AGAP1: variants seen among roughly 807,000 people sequenced by gnomAD.
The protein encoded by AGAP1 is ArfGAP with GTPase domain, ankyrin repeat and PH domain 1.
AGAP1 carries 29 observed loss-of-function variants against 105.3 expected under a neutral mutation model. That is an observed-to-expected ratio of 0.28 (90% CI 0.21 to 0.38). The LOEUF (loss-of-function observed/expected upper bound fraction) is 0.38. Among genes scored for constraint, AGAP1 ranks in the 10% least tolerant of loss-of-function variants. The pLI, the probability that AGAP1 is intolerant of heterozygous loss-of-function variation, is 1.00. For missense variants in AGAP1, 998 were observed against 1,165.1 expected, an observed-to-expected ratio of 0.86 and a Z score of 2.09; for synonymous variants, 509 against 485.9, an observed-to-expected ratio of 1.05 and a Z score of -0.63.
chr2:235,662,240 T>G lies in AGAP1; in HGVS notation c.164-46939T>G, dbSNP rs189410456. On this transcript the variant is annotated intron_variant, in intron 1 of 17. Coordinates refer to ENST00000304032, the MANE Select transcript of AGAP1 (RefSeq NM_001037131.3). This position sits in a 1 kb window ranked among gnomAD's most constrained non-coding sequence, Gnocchi z 4.2. ...TCCCAGCTTTGTGTATCCACTCAGT[T>G]GCATGCCAGGTAGTCACATCTTAAC... Among the ~76,000 whole-genome samples the G allele has an allele frequency of 1.5e-4, 23 of 152,326 alleles. No individual in the cohort carries two copies. The highest frequency in any genetic ancestry group is 5.1e-4 in the African/African-American group (21 of 41,582).
chr2:235,524,588 A>G, intron 1 of AGAP1: 1 of 185,666 alleles, frequency 5.4e-6, no homozygotes, highest in Non-Finnish European at 1.3e-5. Context: ...TGCCTTCCCC[A>G]CATGGATGAG....
At chr2:235,575,938 GA>G (rs1026212806) in intron 1 of AGAP1, among the ~76,000 whole-genome samples, 2 of 151,902 alleles carry the variant, frequency 1.3e-5, no homozygotes, top group Admixed American at 6.6e-5. Context: ...AAGATGATGT[GA>G]AAAAAAAGTG....
At chr2:236,084,288 G>A (rs1283711578) in intron 16 of AGAP1, among the ~76,000 whole-genome samples, 2 of 152,226 alleles carry the variant, frequency 1.3e-5, no homozygotes, top group Non-Finnish European at 2.9e-5. Flanking sequence ...GGCCAGCCCC[G>A]TGACCTGCCA....
intron 1 of AGAP1, among the ~76,000 whole-genome samples, chr2:235,597,860 T>G (rs1945582904): frequency 1.4e-5 from 1 of 69,464 alleles, no homozygotes; most frequent in African/African-American, 6.1e-5. Context: ...CCGTGTTTCC[T>G]TTGTGTGGAG....
At chr2:235,514,057 G>A (rs973272252) in intron 1 of AGAP1, among the ~76,000 whole-genome samples, 2 of 152,194 alleles carry the variant, frequency 1.3e-5, no homozygotes, top group African/African-American at 4.8e-5. Context: ...TTTCCTGTGG[G>A]TGTTTATGTG....
In AGAP1 at chr2:235,612,975, G is replaced by C. The variant is rs1480895414; in HGVS notation, c.164-96204G>C. On this transcript the variant is annotated intron_variant, in intron 1 of 17. Coordinates refer to ENST00000304032, the MANE Select transcript of AGAP1 (RefSeq NM_001037131.3). This position sits in a 1 kb window ranked among gnomAD's most constrained non-coding sequence, Gnocchi z 4.3. Reference sequence around the variant, plus strand: ...GAGTTAACCTCTCTTTCCCAGGTGAGGTTAGCAAATACGTATAGATTGTAA... The same window carrying C: ...GAGTTAACCTCTCTTTCCCAGGTGACGTTAGCAAATACGTATAGATTGTAA... Among the ~76,000 whole-genome samples the C allele has an allele frequency of 3.9e-5, 6 of 152,000 alleles. No homozygotes were observed. Among genetic ancestry groups the C allele is most frequent in the Admixed American group, 3.3e-4 (5 of 15,268 alleles).
In AGAP1 at chr2:235,951,604, G is replaced by A. The variant is rs963822367; in HGVS notation, c.1484-16858G>A. On this transcript the variant is annotated intron_variant, in intron 12 of 17. Coordinates refer to ENST00000304032, the MANE Select transcript of AGAP1 (RefSeq NM_001037131.3). The surrounding 1 kb of genome is among the most constrained non-coding windows in gnomAD (Gnocchi z 4.2). ...GTAAACAGAGGTTGTCCCGGGAAAG[G>A]CAGAATGAATGTCACCCACCCTGGG... Among the ~76,000 whole-genome samples the A allele has an allele frequency of 2.0e-5, 3 of 152,180 alleles. No homozygotes were observed. Among genetic ancestry groups the A allele is most frequent in the African/African-American group, 7.2e-5 (3 of 41,446 alleles).
Position 235,689,360 on chromosome 2 carries a change from C to T in AGAP1, c.164-19819C>T, listed in dbSNP as rs1394316457. Among the ~76,000 whole-genome samples the T allele has an allele frequency of 1.3e-5, 2 of 152,342 alleles. No homozygotes were observed. Among genetic ancestry groups the T allele is most frequent in the Middle Eastern group, 3.4e-3 (1 of 294 alleles). Reference sequence around the variant, plus strand: ...CTGGAGTGAGCCTGCTGCTGTTCATCGGCCCGTAGGGTCTCCAGCACAATA... The same window carrying T: ...CTGGAGTGAGCCTGCTGCTGTTCATTGGCCCGTAGGGTCTCCAGCACAATA... On this transcript the variant is annotated intron_variant, in intron 1 of 17. Transcript: ENST00000304032. The surrounding 1 kb of genome is among the most constrained non-coding windows in gnomAD (Gnocchi z 4.2).
Position 235,753,429 on chromosome 2 carries a change from G to A in AGAP1, c.673+2941G>A, listed in dbSNP as rs985234107. Among the ~76,000 whole-genome samples the A allele has an allele frequency of 7.2e-5, 11 of 152,108 alleles. No individual in the cohort carries two copies. Among genetic ancestry groups the A allele is most frequent in the African/African-American group, 2.2e-4 (9 of 41,426 alleles). ...CATTATGTATTCGGATTTTGGCTGG[G>A]CGCAGTGGCTCAGGCCTGTAATCCC... On this transcript the variant is annotated intron_variant, in intron 6 of 17. Transcript: ENST00000304032. The surrounding 1 kb of genome is among the most constrained non-coding windows in gnomAD (Gnocchi z 4.5).
chr2:235,640,029 G>C lies in AGAP1; in HGVS notation c.164-69150G>C, dbSNP rs1456651354. On this transcript the variant is annotated intron_variant, in intron 1 of 17. Coordinates refer to ENST00000304032, the MANE Select transcript of AGAP1 (RefSeq NM_001037131.3). ...CTCAGGAAGCGGTTAGCAGTCTTTA[G>C]GGCAACCTAATTGCATTTCTTTGTT... is the stretch of plus-strand genomic sequence containing the variant. Among the ~76,000 whole-genome samples the C allele has an allele frequency of 2.6e-5, 4 of 152,200 alleles. No individual in the cohort carries two copies. The East Asian group carries it at 7.7e-4, about 29-fold the overall frequency.
chr2:236,048,189 C>T (rs1336455546), intron 15 of AGAP1, among the ~76,000 whole-genome samples: 3 of 152,218 alleles, frequency 2.0e-5, no homozygotes, highest in Non-Finnish European at 4.4e-5. Context: ...AAGGTCAACC[C>T]TATCTCTGCA....
chr2:235,919,631 G>T lies in AGAP1; in HGVS notation c.1324+10725G>T, dbSNP rs2052072717. On this transcript the variant is annotated intron_variant, in intron 11 of 17. Coordinates refer to ENST00000304032, the MANE Select transcript of AGAP1 (RefSeq NM_001037131.3). The surrounding 1 kb of genome is among the most constrained non-coding windows in gnomAD (Gnocchi z 4.1). ...GTGGGGCCACCTGCTCCTGGAAGGG[G>T]ACTGTAAAATTCAGAGATGACCGGG... Among the ~76,000 whole-genome samples the T allele has an allele frequency of 6.6e-6, 1 of 152,156 alleles. No homozygotes were observed. Among genetic ancestry groups the T allele is most frequent in the South Asian group, 2.1e-4 (1 of 4,818 alleles).
rs1294925322 is a variant in AGAP1 at position 235,971,404 on chromosome 2, T to G, written c.1645+2781T>G. On this transcript the variant is annotated intron_variant, in intron 13 of 17. Coordinates refer to ENST00000304032, the MANE Select transcript of AGAP1 (RefSeq NM_001037131.3). This position sits in a 1 kb window ranked among gnomAD's most constrained non-coding sequence, Gnocchi z 4.8. The stretch of plus-strand genomic sequence containing the variant: ...AGTACATTGTGTAAAACACCCAAAT[T>G]AAACATTCTGTTCTGGCCGGGCACA... Among the ~76,000 whole-genome samples, 1 of 152,206 alleles carries G rather than the reference T, an allele frequency of 6.6e-6. No homozygotes were observed. The highest frequency in any genetic ancestry group is 1.5e-5 in the Non-Finnish European group (1 of 68,042).
At chr2:235,534,299 G>A (rs964531457) in intron 1 of AGAP1, among the ~76,000 whole-genome samples, 3 of 152,116 alleles carry the variant, frequency 2.0e-5, no homozygotes, top group South Asian at 4.2e-4. Context: ...CTGCTGCCAC[G>A]TCACCTTCAC....
At chr2:235,731,565 G>C (rs1321602521) in intron 3 of AGAP1, among the ~76,000 whole-genome samples, 2 of 152,198 alleles carry the variant, frequency 1.3e-5, no homozygotes, top group East Asian at 3.8e-4. Context: ...CATCTCTCAT[G>C]TTCTGGTTGT....
rs984506348 is a variant in AGAP1 at position 236,103,201 on chromosome 2, G to A, written c.2115-16991G>A. ...GCACCTCTGTCCCGTTCCATCCTCCGGCCTCACCTCCGCCCACTGCCTCCC... is the reference window on the plus strand; with the variant it reads ...GCACCTCTGTCCCGTTCCATCCTCCAGCCTCACCTCCGCCCACTGCCTCCC... On this transcript the variant is annotated intron_variant, in intron 16 of 17. Transcript: ENST00000304032. Among the ~76,000 whole-genome samples the A allele has an allele frequency of 1.1e-4, 17 of 152,026 alleles. No individual in the cohort carries two copies. The East Asian group carries it at 1.4e-3, about 12-fold the overall frequency.
intron 2 of AGAP1, among the ~76,000 whole-genome samples, chr2:235,715,281 G>A (rs1289699600): frequency 6.6e-6 from 1 of 152,178 alleles, no homozygotes; most frequent in Non-Finnish European, 1.5e-5. Flanking sequence ...CAGGGACTAT[G>A]ACAAGTGTAC....
rs771654850 is a variant in AGAP1 at position 236,124,037 on chromosome 2, G to A, written c.2489G>A (p.Arg830His). 70 of 1,613,926 alleles carry A rather than the reference G, an allele frequency of 4.3e-5. No homozygotes were observed. Among genetic ancestry groups the A allele is most frequent in the Non-Finnish European group, 5.1e-5 (60 of 1,179,998 alleles). Residue 830 changes from arginine to histidine, a missense_variant, in exon 18 of 18, where the codon CGC becomes CAC. Physicochemically the swap from Arg to His is conservative, Grantham distance 29 (BLOSUM62 0). Transcript: ENST00000304032. This position sits in a 1 kb window ranked among gnomAD's most constrained non-coding sequence, Gnocchi z 5.1. Reference protein sequence around the residue: ...VLLQYGCPDERFVLMATPNLS... With the variant: ...VLLQYGCPDEHFVLMATPNLS... ...CTGCAGTACGGCTGCCCCGACGAGCGCTTCGTGCTCATGGCCACCCCTAAC... is the reference window on the plus strand; with the variant it reads ...CTGCAGTACGGCTGCCCCGACGAGCACTTCGTGCTCATGGCCACCCCTAAC...
intron 1 of AGAP1, among the ~76,000 whole-genome samples, chr2:235,583,274 C>A (rs774802871): frequency 1.3e-5 from 2 of 151,912 alleles, no homozygotes; most frequent in Non-Finnish European, 2.9e-5. Context: ...TGTCTTACTG[C>A]GGCCTTGAAC....
Sources: allele counts gnomAD v4.1 joint callset (sites outside exome capture counted in the v4.1 genomes callset), GRCh38; gene constraint gnomAD v4.1.1; non-coding constraint Gnocchi (gnomAD v3.1); transcripts MANE v1.5; gene names NCBI Gene and HGNC (gene_info 2026-07-23, HGNC 2026-07-21).